The following FYB1 variants were observed in gnomAD, a reference collection of about 807,000 sequenced individuals.
FYB1 encodes the protein FYN binding protein 1.
Under a neutral mutation model 94.1 loss-of-function variants are expected in FYB1, and 41 were observed. The ratio of observed to expected loss-of-function variants is 0.44; its 90% confidence interval spans 0.34 to 0.57. FYB1 has a LOEUF of 0.57. Ranked by LOEUF, FYB1 falls within the 20% of genes least tolerant of loss-of-function variation. The pLI is 0.02. For missense variants in FYB1, 1,050 were observed against 976.8 expected, an observed-to-expected ratio of 1.07 and a Z score of -1.00; for synonymous variants, 367 against 353.2, an observed-to-expected ratio of 1.04 and a Z score of -0.44.
chr5:39,265,783 T>A (rs1182454329), intron 1 of FYB1, among the ~76,000 whole-genome samples: 1 of 152,226 alleles, frequency 6.6e-6, no homozygotes, highest in Non-Finnish European at 1.5e-5. Flanking sequence ...GTGGGAAGCC[T>A]GGACACCATG....
chr5:39,172,992 TA>T, intron 2 of FYB1, among the ~76,000 whole-genome samples: 1 of 152,206 alleles, frequency 6.6e-6, no homozygotes, highest in Non-Finnish European at 1.5e-5. Context: ...GGTTGAATGG[TA>T]GTTGTGTTCT....
At chr5:39,182,718 G>A (rs952466701) in intron 2 of FYB1, among the ~76,000 whole-genome samples, 1 of 152,210 alleles carries the variant, frequency 6.6e-6, no homozygotes, top group Non-Finnish European at 1.5e-5. Context: ...AATATATTTA[G>A]TAGAATAAAG....
At chr5:39,144,646 A>G (rs1742485291) in intron 3 of FYB1, among the ~76,000 whole-genome samples, 1 of 152,170 alleles carries the variant, frequency 6.6e-6, no homozygotes, top group Non-Finnish European at 1.5e-5. Flanking sequence ...TACTAAAAAT[A>G]CAAAAATTAG....
In FYB1 at chr5:39,107,339, G is replaced by A. The variant is rs1429279726; in HGVS notation, c.*104C>T. On this transcript the variant is annotated 3_prime_UTR_variant, in exon 19 of 19. Transcript: ENST00000512982. ...GGGATTTCATAACAAATGATAATAA[G>A]TGGTTTTGTGCATTAATTTTCTTGA... 6.0e-6 allele frequency: 4 copies of A among 665,198 alleles called. No homozygotes were observed. Among genetic ancestry groups the A allele is most frequent in the Non-Finnish European group, 9.8e-6 (4 of 408,958 alleles). The allele number at this position is 665,198 out of a possible 1,614,324, so 41.2% of individuals were successfully genotyped here. A position where few individuals can be genotyped will look rare whatever the true frequency, so the allele number is the denominator to read the frequency against.
At chr5:39,229,585 G>GTA (rs1450412782) in intron 1 of FYB1, among the ~76,000 whole-genome samples, 28 of 152,146 alleles carry the variant, frequency 1.8e-4, no homozygotes, top group Non-Finnish European at 3.4e-4. Flanking sequence ...TTGACTTACT[G>GTA]TATGAAAGTC....
intron 2 of FYB1, among the ~76,000 whole-genome samples, chr5:39,179,750 A>G (rs900733088): frequency 3.3e-5 from 5 of 152,014 alleles, no homozygotes; most frequent in Non-Finnish European, 7.4e-5. Flanking sequence ...AAGTGTTGAG[A>G]TTACAGGCAT....
At chr5:39,134,144 T>C (rs949539256) in intron 9 of FYB1, 64 bp downstream of exon 9, 18 of 1,299,450 alleles carry the variant, frequency 1.4e-5, no homozygotes, top group Non-Finnish European at 1.9e-5. Context: ...TCTAGGATCT[T>C]AATATACAAA....
At chr5:39,128,656 CTT>C (rs1412815714) in intron 10 of FYB1, among the ~76,000 whole-genome samples, 1 of 152,112 alleles carries the variant, frequency 6.6e-6, no homozygotes, top group East Asian at 1.9e-4. Context: ...CTGTAACAAA[CTT>C]AAAAGAAAGA....
intron 17 of FYB1, 89 bp from the exon 18 acceptor site, chr5:39,108,351 T>G: frequency 1.7e-6 from 2 of 1,176,404 alleles, no homozygotes; most frequent in Non-Finnish European, 2.3e-6. Context: ...ACAGTATAAT[T>G]TTATAAGACA....
intron 1 of FYB1, among the ~76,000 whole-genome samples, chr5:39,238,778 G>A (rs540133288): frequency 6.6e-6 from 1 of 152,218 alleles, no homozygotes; most frequent in Admixed American, 6.6e-5. Flanking sequence ...AAGGAAAGCC[G>A]AGAGGGTATC....
At chr5:39,246,266 A>G (rs748452076) in intron 1 of FYB1, among the ~76,000 whole-genome samples, 1 of 152,192 alleles carries the variant, frequency 6.6e-6, no homozygotes, top group African/African-American at 2.4e-5. Context: ...GACTTCATCC[A>G]TCTGTCCACT....
intron 16 of FYB1, among the ~76,000 whole-genome samples, chr5:39,117,071 TTCTC>T (rs1202637595): frequency 3.3e-5 from 5 of 152,088 alleles, no homozygotes; most frequent in Non-Finnish European, 7.4e-5. Context: ...ACTAGGACAA[TTCTC>T]TCTTGTAAAA....
intron 2 of FYB1, among the ~76,000 whole-genome samples, chr5:39,192,578 G>C (rs1362801): frequency 0.17 from 26,393 of 152,166 alleles, 2,580 homozygotes; most frequent in Non-Finnish European, 0.22. Context: ...ATTGCAGGAA[G>C]AGTTCTTATA....
At chr5:39,109,909 G>A (rs1356277029) in intron 17 of FYB1, among the ~76,000 whole-genome samples, 1 of 152,076 alleles carries the variant, frequency 6.6e-6, no homozygotes, top group Admixed American at 6.6e-5. Context: ...CCTAGTGTGA[G>A]TGAAGCAAAG....
At chr5:39,253,987 T>C (rs184809888) in intron 1 of FYB1, among the ~76,000 whole-genome samples, 16 of 152,268 alleles carry the variant, frequency 1.1e-4, no homozygotes, top group Admixed American at 1.0e-3. Flanking sequence ...TTGCCTCCAG[T>C]TCCATCCACG....
intron 1 of FYB1, among the ~76,000 whole-genome samples, chr5:39,266,988 G>A (rs538691765): frequency 2.0e-5 from 3 of 152,180 alleles, no homozygotes; most frequent in South Asian, 2.1e-4. Context: ...GAGGAGCTCC[G>A]GCTCTGAGAA....
chr5:39,155,812 GT>G (rs1320228093), intron 2 of FYB1, among the ~76,000 whole-genome samples: 2 of 152,002 alleles, frequency 1.3e-5, no homozygotes, highest in Non-Finnish European at 2.9e-5. Flanking sequence ...TTTAGCAAAC[GT>G]TCTGCACCAT....
intron 1 of FYB1, among the ~76,000 whole-genome samples, chr5:39,245,021 T>G (rs868314290): frequency 4.6e-5 from 7 of 152,196 alleles, no homozygotes; most frequent in Non-Finnish European, 2.9e-5. Context: ...TCTATTTGAT[T>G]ATTTTCTCTT....
intron 2 of FYB1, among the ~76,000 whole-genome samples, chr5:39,177,500 C>T (rs1217017428): frequency 6.6e-6 from 1 of 152,204 alleles, no homozygotes; most frequent in Non-Finnish European, 1.5e-5. Context: ...GACTGAATCT[C>T]TTGACATTAA....
Sources: allele counts gnomAD v4.1 joint callset (sites outside exome capture counted in the v4.1 genomes callset), GRCh38; gene constraint gnomAD v4.1.1; transcripts MANE v1.5; gene names NCBI Gene and HGNC (gene_info 2026-07-23, HGNC 2026-07-21).